DENND4C: variants seen among roughly 807,000 people sequenced by gnomAD.
The protein encoded by DENND4C is DENN domain containing 4C, also known as DENN domain-containing protein 4C.
In DENND4C, 108 loss-of-function variants were observed where a neutral mutation model predicts 203.0. The ratio of observed to expected loss-of-function variants is 0.53; its 90% confidence interval spans 0.46 to 0.62. The LOEUF is 0.62. Among genes scored for constraint, DENND4C ranks in the 20% least tolerant of loss-of-function variants. The probability of loss-of-function intolerance (pLI) is 0.00; values close to 1 mark genes in which losing one functional copy is unlikely to be tolerated. For synonymous variants in DENND4C, 871 were observed against 792.4 expected (o/e 1.10, Z -1.67); for missense variants, 2,481 against 2,301.2 (o/e 1.08, Z -1.60).
chr9:19,360,554 G>A (rs1826243476), intron 29 of DENND4C, 65 bp downstream of exon 29: 1 of 1,587,210 alleles, frequency 6.3e-7, no homozygotes, highest in African/African-American at 1.4e-5. Context: ...TCAAGGTCCT[G>A]AAAGTATACA....
chr9:19,295,095 G>A lies in DENND4C; in HGVS notation c.802-913G>A, dbSNP rs573609266. On this transcript the variant is annotated intron_variant, in intron 5 of 32. Transcript: ENST00000434457. ...CCAATTAAAAAAAAATCACAGGCCG[G>A]GTGCAGTGGCTCATGCCTATAATCC... 2.6e-5 allele frequency among the ~76,000 whole-genome samples: 4 copies of A among 152,296 alleles called. No individual in the cohort carries two copies. In the South Asian group the frequency reaches 8.3e-4, roughly 32 times the overall value.
At chr9:19,342,939 A>G (rs1454835816) in intron 22 of DENND4C, among the ~76,000 whole-genome samples, 160 bp downstream of exon 22, 2 of 152,192 alleles carry the variant, frequency 1.3e-5, no homozygotes, top group African/African-American at 4.8e-5. Flanking sequence ...AATTGAAAAT[A>G]TTGTTATTTA....
At chr9:19,279,898 AG>A (rs1191685283) in intron 2 of DENND4C, among the ~76,000 whole-genome samples, 1 of 110,528 alleles carries the variant, frequency 9.0e-6, no homozygotes, top group Non-Finnish European at 2.0e-5. Context: ...AAATACCTAG[AG>A]GGTGAAGATA....
At chr9:19,274,725 A>G (rs1171932443) in intron 1 of DENND4C, among the ~76,000 whole-genome samples, 1 of 152,252 alleles carries the variant, frequency 6.6e-6, no homozygotes, top group Non-Finnish European at 1.5e-5. Flanking sequence ...GTATTTATGG[A>G]AAGTTTAATT....
At chr9:19,243,301 C>G (rs1038896235) in intron 1 of DENND4C, among the ~76,000 whole-genome samples, 1 of 152,118 alleles carries the variant, frequency 6.6e-6, no homozygotes, top group Admixed American at 6.6e-5. Flanking sequence ...TTCAGGTTCA[C>G]CTATGTTGTA....
chr9:19,356,448 C>T (rs1825414928), intron 26 of DENND4C, among the ~76,000 whole-genome samples: 1 of 151,958 alleles, frequency 6.6e-6, no homozygotes, highest in South Asian at 2.1e-4. Flanking sequence ...CCCTTCCCTC[C>T]TCAAGTCCCA....
intron 2 of DENND4C, among the ~76,000 whole-genome samples, chr9:19,283,629 G>C (rs1426293825): frequency 3.5e-5 from 1 of 28,364 alleles, no homozygotes; most frequent in Admixed American, 3.8e-4. Context: ...TTTTTTTTTT[G>C]AGACAGAGTT....
At chr9:19,302,726 T>A (rs1838837015) in intron 9 of DENND4C, among the ~76,000 whole-genome samples, 1 of 152,226 alleles carries the variant, frequency 6.6e-6, no homozygotes, top group African/African-American at 2.4e-5. Context: ...TATTTTCCAC[T>A]CCTCTTCCTC....
At chr9:19,294,675 A>C (rs76457836) in intron 5 of DENND4C, among the ~76,000 whole-genome samples, 1 of 152,178 alleles carries the variant, frequency 6.6e-6, no homozygotes, top group Non-Finnish European at 1.5e-5. Flanking sequence ...AAAATATGGT[A>C]TATATATATG....
chr9:19,330,409 G>A (rs564886175), intron 16 of DENND4C, among the ~76,000 whole-genome samples: 2 of 138,992 alleles, frequency 1.4e-5, no homozygotes, highest in Admixed American at 8.0e-5. Context: ...GCACGATTTC[G>A]GCTCACTGCA....
chr9:19,252,744 CTT>C (rs201231674), intron 1 of DENND4C, among the ~76,000 whole-genome samples: 2 of 141,040 alleles, frequency 1.4e-5, no homozygotes, highest in Admixed American at 7.1e-5. Context: ...CACACACATA[CTT>C]TTTTTTTTTG....
At chr9:19,294,712 A>G (rs1174531860) in intron 5 of DENND4C, among the ~76,000 whole-genome samples, 1 of 152,246 alleles carries the variant, frequency 6.6e-6, no homozygotes, top group Non-Finnish European at 1.5e-5. Context: ...TTCCTTAACA[A>G]GGAATGAAAT....
chr9:19,238,872 C>T (rs561586927), intron 1 of DENND4C, among the ~76,000 whole-genome samples: 25 of 150,880 alleles, frequency 1.7e-4, no homozygotes, highest in African/African-American at 5.4e-4. Flanking sequence ...AGGCTGGTCT[C>T]GAACTCTTGA....
At chr9:19,251,321 A>G (rs758840612) in intron 1 of DENND4C, among the ~76,000 whole-genome samples, 1 of 152,218 alleles carries the variant, frequency 6.6e-6, no homozygotes, top group Non-Finnish European at 1.5e-5. Flanking sequence ...GCTGGGATGC[A>G]GAGCACCAAG....
chr9:19,357,171 A>C lies in DENND4C; in HGVS notation c.4964+17A>C. 2 of 1,613,278 alleles carry C rather than the reference A, an allele frequency of 1.2e-6. No individual in the cohort carries two copies. Among genetic ancestry groups the C allele is most frequent in the Non-Finnish European group, 8.5e-7 (1 of 1,179,366 alleles). ...TGAACCAAGGTATCAAAGGGTACAG[A>C]GACCTCTTTATGTAGTAATAAATGG... On this transcript the variant is annotated intron_variant, in intron 27 of 32. Transcript: ENST00000434457.
At position 19,234,961 on chromosome 9, in the gene DENND4C, T is replaced by C. The variant is rs570667215; in HGVS notation, c.-18+4128T>C. The stretch of plus-strand genomic sequence containing the variant: ...GGAAAGTCAACTTTCTTTTTTTTTT[T>C]TTTCTTTCTTTTTTTATTGAGATGA... On this transcript the variant is annotated intron_variant, in intron 1 of 32. Transcript: ENST00000434457. 3.4e-3 allele frequency among the ~76,000 whole-genome samples: 522 copies of C among 152,106 alleles called. 1 individual carries two copies. Among genetic ancestry groups the C allele is most frequent in the Middle Eastern group, 6.8e-3 (2 of 294 alleles).
chr9:19,306,397 T>C (rs951376000), intron 10 of DENND4C, among the ~76,000 whole-genome samples: 2 of 152,208 alleles, frequency 1.3e-5, no homozygotes, highest in Non-Finnish European at 2.9e-5. Context: ...GGATCTACCA[T>C]TGTATTTTGA....
chr9:19,328,665 A>ATCTG (rs1301859193), intron 16 of DENND4C, among the ~76,000 whole-genome samples: 1 of 112,198 alleles, frequency 8.9e-6, no homozygotes, highest in Admixed American at 8.8e-5. Context: ...CTGTCTATCT[A>ATCTG]TCTATCTATC....
Position 19,280,850 on chromosome 9 carries a change from C to T in DENND4C, c.305+4371C>T, listed in dbSNP as rs555240358. Among the ~76,000 whole-genome samples the T allele has an allele frequency of 1.8e-4, 27 of 152,092 alleles. No individual in the cohort carries two copies. The South Asian group carries it at 5.2e-3, about 29-fold the overall frequency. ...CCGCCTTCTGGGCTCAGGTGGTCCT[C>T]CCACCTCAGCCTCCCGAGTAGCTGG... On this transcript the variant is annotated intron_variant, in intron 2 of 32. Transcript: ENST00000434457.
Sources: allele counts gnomAD v4.1 joint callset (sites outside exome capture counted in the v4.1 genomes callset), GRCh38; gene constraint gnomAD v4.1.1; transcripts MANE v1.5; gene names NCBI Gene and HGNC (gene_info 2026-07-23, HGNC 2026-07-21).